ZNF347: variants seen among roughly 807,000 people sequenced by gnomAD.
ZNF347 encodes zinc finger protein 347.
ZNF347 carries 19 observed loss-of-function variants against 12.9 expected under a neutral mutation model. The ratio of observed to expected loss-of-function variants is 1.47; its 90% CI spans 1.03 to 2.16. The LOEUF is 2.16. Among genes scored for constraint, ZNF347 ranks in the 30% most tolerant of loss-of-function variants. The probability of loss-of-function intolerance (pLI) is 0.00; values close to 1 mark genes in which losing one functional copy is unlikely to be tolerated. For missense variants in ZNF347, 1,005 were observed against 990.6 expected (o/e 1.01, Z -0.19); for synonymous variants, 328 against 340.6 (o/e 0.96, Z 0.41).
In ZNF347 at chr19:53,153,639, G is replaced by T; in HGVS notation, c.15+94C>A. 9 of 1,526,420 alleles carry T rather than the reference G, an allele frequency of 5.9e-6. No individual in the cohort carries two copies. The Middle Eastern group carries it at 5.1e-4, about 86-fold the overall frequency. 94.6% of individuals were successfully genotyped at this position (1,526,420 alleles called of 1,614,324 possible). A position where few individuals can be genotyped will look rare whatever the true frequency, so the allele number is the denominator to read the frequency against. ...AAGTGCGAGCAAACCTGTCAGGCAG[G>T]ACGCTTCAGACTCAGAGAAGATTCC... On this transcript the variant is annotated intron_variant, in intron 2 of 4. Coordinates refer to ENST00000334197, the MANE Select transcript of ZNF347 (RefSeq NM_032584.3).
intron 1 of ZNF347, among the ~76,000 whole-genome samples, chr19:53,156,462 A>G (rs1247725580): frequency 6.6e-6 from 1 of 152,058 alleles, no homozygotes; most frequent in Non-Finnish European, 1.5e-5. Context: ...TCAGTCTAAA[A>G]CTGCCCCTCA....
Position 53,142,206 on chromosome 19 carries a change from T to G in ZNF347, c.622A>C (p.Asn208His). Residue 208 changes from asparagine to histidine, a missense_variant, in exon 5 of 5, where the codon AAT becomes CAT. By Grantham distance (68) the Asn-to-His change is moderately conservative. Coordinates refer to ENST00000334197, the MANE Select transcript of ZNF347 (RefSeq NM_032584.3). ...FQYEGKIYECNQVEKSFNNNS... is the reference protein window; with the variant it reads ...FQYEGKIYECHQVEKSFNNNS... ...TTGTTGAAAGACTTCTCAACCTGATTACATTCATAAATTTTCCCTTCATAT... is the reference window on the plus strand; with the variant it reads ...TTGTTGAAAGACTTCTCAACCTGATGACATTCATAAATTTTCCCTTCATAT... 1 of 1,613,878 alleles carries G rather than the reference T, an allele frequency of 6.2e-7. No individual in the cohort carries two copies. The highest frequency in any genetic ancestry group is 1.3e-5 in the African/African-American group (1 of 75,034).
At chr19:53,152,714 A>G (rs2146811986) in intron 2 of ZNF347, among the ~76,000 whole-genome samples, 1 of 152,122 alleles carries the variant, frequency 6.6e-6, no homozygotes, top group Admixed American at 6.5e-5. Flanking sequence ...GTGGATCACG[A>G]GGTCAGGAGT....
At position 53,136,002 on chromosome 19, in the gene ZNF347, G is replaced by T. The variant is rs1473540174; in HGVS notation, c.*4306C>A. On this transcript the variant is annotated 3_prime_UTR_variant, in exon 5 of 5. Coordinates refer to ENST00000334197, the MANE Select transcript of ZNF347 (RefSeq NM_032584.3). ...ACCAGCCACAGTAGGAAGTTGAATT[G>T]CCTCCAGGGATTCAATGAGAGAAAT... 2 of 152,024 alleles carry T rather than the reference G, an allele frequency of 1.3e-5. No individual in the cohort carries two copies. Among genetic ancestry groups the T allele is most frequent in the Non-Finnish European group, 2.9e-5 (2 of 68,020 alleles). The allele number at this position is 152,024 out of a possible 1,614,324, so 9.4% of individuals were successfully genotyped here. A position where few individuals can be genotyped will look rare whatever the true frequency, so the allele number is the denominator to read the frequency against.
intron 1 of ZNF347, among the ~76,000 whole-genome samples, chr19:53,154,597 C>A (rs78385027): frequency 6.6e-6 from 1 of 152,054 alleles, no homozygotes; most frequent in African/African-American, 2.4e-5. Context: ...AGGGAGGCAA[C>A]AAGAAAATTA....
In ZNF347 at chr19:53,159,006, C is replaced by CA. The variant is rs890203218; in HGVS notation, c.-47+2dup. 3.3e-5 allele frequency: 5 copies of CA among 152,036 alleles called. No homozygotes were observed. Among genetic ancestry groups the CA allele is most frequent in the Admixed American group, 2.6e-4 (4 of 15,268 alleles). The allele number at this position is 152,036 out of a possible 1,614,324, so 9.4% of individuals were successfully genotyped here. ...AGTTTAATCCATACTGAGGGACACT[C>CA]ACGCTCGGCGGCGTCACCCGCACCC... is the stretch of plus-strand genomic sequence containing the variant. On this transcript the variant is annotated splice_region_variant and intron_variant, in intron 1 of 4. Coordinates refer to ENST00000334197, the MANE Select transcript of ZNF347 (RefSeq NM_032584.3).
chr19:53,142,521 G>C lies in ZNF347; in HGVS notation c.307C>G (p.His103Asp). Residue 103 changes from histidine (H) to aspartate (D), a missense_variant, in exon 5 of 5, where the codon CAC becomes GAC. Transcript: ENST00000334197. ...TCTCCTGTATTACTCTTCCCTTTGT[G>C]TAGTAAATCTTTCATTACAAATTCG... is the stretch of plus-strand genomic sequence containing the variant. ...SSEFVMKDLL[H>D]KGKSNTGEVF... is the part of the protein sequence containing the mutation. 1.3e-6 allele frequency: 2 copies of C among 1,599,968 alleles called. No homozygotes were observed. Among genetic ancestry groups the C allele is most frequent in the South Asian group, 2.3e-5 (2 of 88,620 alleles).
chr19:53,145,418 G>A (rs1402414173), intron 4 of ZNF347, among the ~76,000 whole-genome samples: 1 of 149,592 alleles, frequency 6.7e-6, no homozygotes, highest in Admixed American at 6.6e-5. Flanking sequence ...TTTGAGATAG[G>A]GTCTTGCTCT....
rs575921194 is a variant in ZNF347 at position 53,136,459 on chromosome 19, C to G, written c.*3849G>C. 3 of 151,872 alleles carry G rather than the reference C, an allele frequency of 2.0e-5. No individual in the cohort carries two copies. In the East Asian group the frequency reaches 5.8e-4, roughly 29 times the overall value. The allele number at this position is 151,872 out of a possible 1,614,324, so 9.4% of individuals were successfully genotyped here. On this transcript the variant is annotated 3_prime_UTR_variant, in exon 5 of 5. Coordinates refer to ENST00000334197, the MANE Select transcript of ZNF347 (RefSeq NM_032584.3). The stretch of plus-strand genomic sequence containing the variant: ...ACAAAAACAAAAAGTCATTTTACTA[C>G]TATTGGCTCATGGCTGTAATCCTAG...
intron 1 of ZNF347, among the ~76,000 whole-genome samples, chr19:53,157,981 G>T (rs56718494): frequency 0.019 from 2,893 of 152,174 alleles, 83 homozygotes; most frequent in African/African-American, 0.064. Context: ...TTGCCATCTG[G>T]TTACGGGTTT....
Position 53,150,891 on chromosome 19 carries a change from C to G in ZNF347, c.16-1524G>C, listed in dbSNP as rs530740365. Among the ~76,000 whole-genome samples the G allele has an allele frequency of 3.3e-5, 5 of 152,274 alleles. No homozygotes were observed. The South Asian group carries it at 1.0e-3, about 32-fold the overall frequency. On this transcript the variant is annotated intron_variant, in intron 2 of 4. Coordinates refer to ENST00000334197, the MANE Select transcript of ZNF347 (RefSeq NM_032584.3). ...AGTAGCTGGAATTACAAGCACCCAC[C>G]ACCACACCCGGCTAATTTTTGTATT...
intron 1 of ZNF347, among the ~76,000 whole-genome samples, chr19:53,156,295 A>G (rs371152096): frequency 2.5e-5 from 1 of 40,456 alleles, no homozygotes; most frequent in African/African-American, 3.8e-5. Flanking sequence ...GCTACTTGGG[A>G]GGCTGAGGCA....
intron 2 of ZNF347, among the ~76,000 whole-genome samples, chr19:53,153,248 T>C (rs1017255259): frequency 6.6e-6 from 1 of 152,142 alleles, no homozygotes; most frequent in Non-Finnish European, 1.5e-5. Context: ...GAGTTTGGGG[T>C]TAGAAACACA....
intron 2 of ZNF347, among the ~76,000 whole-genome samples, chr19:53,149,845 C>T (rs1010953008): frequency 6.6e-6 from 1 of 152,086 alleles, no homozygotes; most frequent in Non-Finnish European, 1.5e-5. Flanking sequence ...GACGCCCCCA[C>T]CGACCCCCAC....
chr19:53,140,688 A>G lies in ZNF347; in HGVS notation c.2140T>C (p.Cys714Arg). 3.1e-6 allele frequency: 5 copies of G among 1,612,778 alleles called. No homozygotes were observed. The highest frequency in any genetic ancestry group is 4.2e-6 in the Non-Finnish European group (5 of 1,179,826). The change falls in exon 5 of 5, where the codon TGT becomes CGT. Residue 714 changes from cysteine to arginine, a missense_variant. Transcript: ENST00000334197. Reference protein sequence around the residue: ...TGEKPYECNQCGKAFSVRSSL... With the variant: ...TGEKPYECNQRGKAFSVRSSL... The stretch of plus-strand genomic sequence containing the variant: ...GAACGGACACTAAAGGCTTTCCCAC[A>G]CTGATTACACTCATATGGTTTCTCT...
Position 53,151,745 on chromosome 19 carries a change from C to A in ZNF347, c.15+1988G>T, listed in dbSNP as rs150119293. Among the ~76,000 whole-genome samples, 42 of 152,102 alleles carry A rather than the reference C, an allele frequency of 2.8e-4. No individual in the cohort carries two copies. The East Asian group carries it at 5.8e-3, about 21-fold the overall frequency. On this transcript the variant is annotated intron_variant, in intron 2 of 4. Coordinates refer to ENST00000334197, the MANE Select transcript of ZNF347 (RefSeq NM_032584.3). ...ATAGCTGAGAACAAATTTAAGGACACAGAAAATATTTAAGATACAATTTGA... is the reference window on the plus strand; with the variant it reads ...ATAGCTGAGAACAAATTTAAGGACAAAGAAAATATTTAAGATACAATTTGA...
chr19:53,146,312 T>C (rs924731691), intron 4 of ZNF347, among the ~76,000 whole-genome samples: 11 of 151,994 alleles, frequency 7.2e-5, no homozygotes, highest in African/African-American at 2.7e-4. Context: ...TCTATCTCTC[T>C]CACACAGGCT....
rs1218124345 is a variant in ZNF347, at chr19:53,141,244, A to G, written c.1584T>C (p.Leu528=). 2.3e-5 allele frequency: 37 copies of G among 1,613,682 alleles called. No individual in the cohort carries two copies. The highest frequency in any genetic ancestry group is 3.1e-5 in the Non-Finnish European group (37 of 1,179,952). Reference sequence around the variant, plus strand: ...CAGTATGAATTCTTTGATGATTTGCAAGGTGTGAATTTTGAGTGAAGACCT... The same window carrying G: ...CAGTATGAATTCTTTGATGATTTGCGAGGTGTGAATTTTGAGTGAAGACCT... The part of the protein sequence containing the change: ...CGKVFTQNSH[L]ANHQRIHTGV... The change falls in exon 5 of 5, where the codon CTT becomes CTC. Residue 528 remains leucine, a synonymous_variant. Transcript: ENST00000334197.
At chr19:53,155,297 T>TGTGC (rs2090525273) in intron 1 of ZNF347, among the ~76,000 whole-genome samples, 1 of 30,916 alleles carries the variant, frequency 3.2e-5, no homozygotes, top group South Asian at 5.6e-4. Context: ...CTTTATTCTG[T>TGTGC]GTGTGTGTGT....
Sources: allele counts gnomAD v4.1 joint callset (sites outside exome capture counted in the v4.1 genomes callset), GRCh38; gene constraint gnomAD v4.1.1; transcripts MANE v1.5; gene names NCBI Gene and HGNC (gene_info 2026-07-23, HGNC 2026-07-21).